CDIN1: variants seen among roughly 807,000 people sequenced by gnomAD.
CDIN1 encodes CDAN1-interacting nuclease 1.
Under a neutral mutation model 45.3 loss-of-function variants are expected in CDIN1, and 33 were observed. The ratio of observed to expected loss-of-function variants is 0.73; its 90% CI spans 0.55 to 0.97. CDIN1 has a LOEUF of 0.97. Among genes scored for constraint, CDIN1 ranks in the 50% least tolerant of loss-of-function variants. CDIN1 has a pLI of 0.00. For missense variants in CDIN1, 303 were observed against 339.4 expected, an observed-to-expected ratio of 0.89 and a Z score of 0.84; for synonymous variants, 118 against 124.4, an observed-to-expected ratio of 0.95 and a Z score of 0.34.
intron 5 of CDIN1, among the ~76,000 whole-genome samples, chr15:36,669,911 T>C (rs939678139): frequency 6.6e-6 from 1 of 152,082 alleles, no homozygotes; most frequent in Admixed American, 6.6e-5. Flanking sequence ...GGTTAGTGTT[T>C]GCTAGATTTC....
At chr15:36,603,442 A>G (rs551908220) in intron 1 of CDIN1, among the ~76,000 whole-genome samples, 1 of 152,342 alleles carries the variant, frequency 6.6e-6, no homozygotes, top group African/African-American at 2.4e-5. Context: ...TTGCTTAGAA[A>G]GGGAGACTAT....
rs139424077 is a variant in CDIN1 at position 36,680,418 on chromosome 15, C to T, written c.347-11267C>T. 7.0e-3 allele frequency among the ~76,000 whole-genome samples: 1,067 copies of T among 152,238 alleles called. 15 individuals carry two copies. The highest frequency in any genetic ancestry group is 0.024 in the African/African-American group (1,000 of 41,520). On this transcript the variant is annotated intron_variant, in intron 5 of 10. Coordinates refer to ENST00000566621, the MANE Select transcript of CDIN1 (RefSeq NM_001321759.2). ...AGGGCCTTCAAAAATTTCAACAACACGGCAGAGTGAGCTTTTGTTAGTGGG... is the reference window on the plus strand; with the variant it reads ...AGGGCCTTCAAAAATTTCAACAACATGGCAGAGTGAGCTTTTGTTAGTGGG...
At chr15:36,688,901 C>T (rs1053665209) in intron 5 of CDIN1, among the ~76,000 whole-genome samples, 2 of 152,138 alleles carry the variant, frequency 1.3e-5, no homozygotes. Context: ...GTGTGTTTGG[C>T]AGATACATCC....
intron 1 of CDIN1, among the ~76,000 whole-genome samples, chr15:36,582,624 C>T (rs567209714): frequency 2.6e-5 from 4 of 152,142 alleles, no homozygotes; most frequent in African/African-American, 7.2e-5. Flanking sequence ...TAAAAATAGT[C>T]GTGTTGACCC....
At chr15:36,618,009 A>G (rs546446296) in intron 1 of CDIN1, 90 of 787,978 alleles carry the variant, frequency 1.1e-4, no homozygotes, top group South Asian at 1.1e-3. Flanking sequence ...GTCTTTATGC[A>G]GCCTGTATAT....
intron 4 of CDIN1, among the ~76,000 whole-genome samples, chr15:36,655,326 C>CTTTTTTTTTTTTTTTTTTTT (rs146085190): frequency 7.7e-6 from 1 of 129,580 alleles, no homozygotes. Context: ...TTTTTTTTTG[C>CTTTTTTTTTTTTTTTTTTTT]TTTTTTTTTT....
intron 8 of CDIN1, among the ~76,000 whole-genome samples, chr15:36,702,995 G>A (rs1037847308): frequency 6.8e-6 from 1 of 147,912 alleles, no homozygotes; most frequent in Non-Finnish European, 1.5e-5. Context: ...GAGCCCAGGA[G>A]TTTGAGACCA....
intron 10 of CDIN1, among the ~76,000 whole-genome samples, chr15:36,785,314 A>G (rs186570860): frequency 1.8e-3 from 270 of 152,318 alleles, no homozygotes; most frequent in Middle Eastern, 0.017. Context: ...CCATATTTCA[A>G]TAGTCTGTCT....
chr15:36,619,500 T>TATCTATCTATCC (rs1483967597), intron 1 of CDIN1, among the ~76,000 whole-genome samples: 4 of 151,952 alleles, frequency 2.6e-5, no homozygotes, highest in Admixed American at 6.6e-5. Flanking sequence ...TCTATCTATC[T>TATCTATCTATCC]ATCTATCTAT....
chr15:36,618,450 C>G, intron 1 of CDIN1: 1 of 904,000 alleles, frequency 1.1e-6, no homozygotes, highest in Non-Finnish European at 1.9e-6. Context: ...AAGATGACGA[C>G]AAGATGTCAA....
At chr15:36,651,469 A>G (rs1881419142) in intron 3 of CDIN1, among the ~76,000 whole-genome samples, 1 of 152,240 alleles carries the variant, frequency 6.6e-6, no homozygotes, top group African/African-American at 2.4e-5. Flanking sequence ...CTGAAAATTT[A>G]AATAGAGCCT....
At chr15:36,623,407 T>C (rs1336644765) in intron 1 of CDIN1, among the ~76,000 whole-genome samples, 1 of 152,220 alleles carries the variant, frequency 6.6e-6, no homozygotes, top group African/African-American at 2.4e-5. Context: ...TACTTTAAAT[T>C]ATATTTATTT....
intron 1 of CDIN1, chr15:36,617,075 G>T: frequency 1.3e-6 from 1 of 783,914 alleles, no homozygotes; most frequent in Non-Finnish European, 2.4e-6. Flanking sequence ...CGATTGGGCC[G>T]AGCAGAGGAC....
intron 10 of CDIN1, among the ~76,000 whole-genome samples, chr15:36,793,007 T>C (rs904417617): frequency 6.6e-6 from 1 of 152,156 alleles, no homozygotes; most frequent in African/African-American, 2.4e-5. Context: ...CCACTCGATC[T>C]GCATGTGGCT....
At chr15:36,631,540 C>A (rs990164207) in intron 1 of CDIN1, among the ~76,000 whole-genome samples, 3 of 152,094 alleles carry the variant, frequency 2.0e-5, no homozygotes, top group Non-Finnish European at 2.9e-5. Flanking sequence ...TGTTTCCATT[C>A]ATATATTTTA....
intron 10 of CDIN1, among the ~76,000 whole-genome samples, chr15:36,740,151 T>G (rs1253993798): frequency 6.6e-6 from 1 of 152,186 alleles, no homozygotes; most frequent in African/African-American, 2.4e-5. Flanking sequence ...CAAGGAAACA[T>G]GTTTTCATTG....
intron 1 of CDIN1, chr15:36,619,143 C>CA: frequency 1.8e-6 from 2 of 1,120,602 alleles, no homozygotes; most frequent in South Asian, 2.8e-5. Context: ...GAGGCCATAC[C>CA]ATTCCCAGGG....
chr15:36,719,992 T>A (rs2140875365), intron 10 of CDIN1, among the ~76,000 whole-genome samples: 1 of 152,156 alleles, frequency 6.6e-6, no homozygotes, highest in South Asian at 2.1e-4. Flanking sequence ...GATAATTGTG[T>A]CTTCTTTTCT....
chr15:36,634,962 C>G (rs758545750), intron 1 of CDIN1, among the ~76,000 whole-genome samples: 1 of 151,944 alleles, frequency 6.6e-6, no homozygotes, highest in Non-Finnish European at 1.5e-5. Flanking sequence ...ATTTTGAATT[C>G]TAATTTAATT....
Sources: allele counts gnomAD v4.1 joint callset (sites outside exome capture counted in the v4.1 genomes callset), GRCh38; gene constraint gnomAD v4.1.1; transcripts MANE v1.5; gene names NCBI Gene and HGNC (gene_info 2026-07-23, HGNC 2026-07-21).